The following TTLL9 variants were observed in gnomAD, a reference collection of about 807,000 sequenced individuals.
TTLL9 encodes probable tubulin polyglutamylase TTLL9.
A neutral mutation model predicts 65.6 loss-of-function variants in TTLL9; 47 were observed. The ratio of observed to expected loss-of-function variants is 0.72; its 90% CI spans 0.57 to 0.91. The LOEUF (loss-of-function observed/expected upper bound fraction) is 0.91. TTLL9 is among the 40% of genes least tolerant of loss of function. The probability of loss-of-function intolerance (pLI) is 0.00; values close to 1 mark genes in which losing one functional copy is unlikely to be tolerated. For missense variants in TTLL9, 537 were observed against 568.8 expected, an observed-to-expected ratio of 0.94 and a Z score of 0.57; for synonymous variants, 179 against 204.8, an observed-to-expected ratio of 0.87 and a Z score of 1.07.
At chr20:31,939,404 G>A in intron 14 of TTLL9, 138 bp downstream of exon 14, 2 of 1,016,288 alleles carry the variant, frequency 2.0e-6, no homozygotes, top group Non-Finnish European at 1.4e-6. Context: ...CCTTGGGCAA[G>A]GGACTTAACC....
intron 13 of TTLL9, chr20:31,938,015 C>G: frequency 5.3e-6 from 2 of 374,410 alleles, no homozygotes; most frequent in South Asian, 4.0e-5. Context: ...GTTGGCTGGT[C>G]TATTCTCTCT....
intron 8 of TTLL9, 146 bp downstream of exon 8, chr20:31,923,199 C>T (rs1254925283): frequency 1.5e-6 from 1 of 656,962 alleles, no homozygotes; most frequent in Non-Finnish European, 2.8e-6. Flanking sequence ...TGCAGTCTCC[C>T]ACCTCCTAGC....
At chr20:31,917,459 C>T (rs546390941) in intron 6 of TTLL9, among the ~76,000 whole-genome samples, 1 of 152,168 alleles carries the variant, frequency 6.6e-6, no homozygotes, top group South Asian at 2.1e-4. Context: ...CAGGGTGGAG[C>T]TATTATGATA....
intron 3 of TTLL9, among the ~76,000 whole-genome samples, chr20:31,896,813 AG>A (rs2063394926): frequency 6.6e-6 from 1 of 152,238 alleles, no homozygotes; most frequent in Non-Finnish European, 1.5e-5. Flanking sequence ...TACAGGCGTG[AG>A]ACACCATGCC....
intron 3 of TTLL9, among the ~76,000 whole-genome samples, chr20:31,888,498 T>G (rs536610321): frequency 1.3e-5 from 2 of 151,978 alleles, no homozygotes; most frequent in Non-Finnish European, 2.9e-5. Context: ...TGAGACAGAG[T>G]TTCGCTCTTG....
At chr20:31,895,656 C>G (rs540756135) in intron 3 of TTLL9, among the ~76,000 whole-genome samples, 11 of 150,806 alleles carry the variant, frequency 7.3e-5, no homozygotes, top group Non-Finnish European at 1.2e-4. Flanking sequence ...CCTGCCTCAG[C>G]CTCCCGGGTA....
Position 31,942,977 on chromosome 20 carries a change from C to A in TTLL9, c.1276C>A (p.Gln426Lys). The A allele has an allele frequency of 6.2e-7, 1 of 1,614,140 alleles. No homozygotes were observed. Among genetic ancestry groups the A allele is most frequent in the Non-Finnish European group, 8.5e-7 (1 of 1,180,018 alleles). Residue 426 changes from glutamine (Q) to lysine (K), a missense_variant, in exon 15 of 15, where the codon CAG becomes AAG. Transcript: ENST00000535842. ...CVNDRKKQLR[Q>K]LFCSLQVQKK... ...CAACGATCGGAAGAAACAACTGAGGCAGCTCTTCTGCTCCCTTCAAGTTCA... is the reference window on the plus strand; with the variant it reads ...CAACGATCGGAAGAAACAACTGAGGAAGCTCTTCTGCTCCCTTCAAGTTCA...
chr20:31,931,927 C>CT (rs1259926270), intron 10 of TTLL9, among the ~76,000 whole-genome samples: 2 of 152,158 alleles, frequency 1.3e-5, no homozygotes, highest in Non-Finnish European at 2.9e-5. Context: ...GCCATCTGTG[C>CT]TTTTGGTGTC....
At chr20:31,900,304 C>T (rs1166186814) in intron 4 of TTLL9, among the ~76,000 whole-genome samples, 5 of 152,190 alleles carry the variant, frequency 3.3e-5, no homozygotes. Context: ...TCATCATCCC[C>T]ATTTTACTAA....
At chr20:31,874,555 G>A (rs912526073) in intron 2 of TTLL9, among the ~76,000 whole-genome samples, 1 of 151,990 alleles carries the variant, frequency 6.6e-6, no homozygotes, top group South Asian at 2.1e-4. Context: ...GGGACTACAG[G>A]TGCCCACCCA....
At position 31,943,424 on chromosome 20, in the gene TTLL9, CT is replaced by C. The variant is rs1174804354; in HGVS notation, c.*406del. The C allele has an allele frequency of 6.2e-6, 2 of 324,802 alleles. No homozygotes were observed. The highest frequency in any genetic ancestry group is 1.2e-5 in the Non-Finnish European group (2 of 165,852). 20.1% of individuals were successfully genotyped at this position (324,802 alleles called of 1,614,324 possible). ...GTTGGCTGCAGCCAAGTCCTCCTGGCTTTGACACTTGGATACCTCCCAAGTC... is the reference window on the plus strand; with the variant it reads ...GTTGGCTGCAGCCAAGTCCTCCTGGCTTGACACTTGGATACCTCCCAAGTC... On this transcript the variant is annotated 3_prime_UTR_variant, in exon 15 of 15. Coordinates refer to ENST00000535842, the MANE Select transcript of TTLL9 (RefSeq NM_001008409.5).
At chr20:31,877,549 A>G (rs1342306084) in intron 2 of TTLL9, among the ~76,000 whole-genome samples, 1 of 152,242 alleles carries the variant, frequency 6.6e-6, no homozygotes, top group African/African-American at 2.4e-5. Flanking sequence ...GATAATAAAT[A>G]TAACATGTAT....
At chr20:31,927,611 A>G (rs1051161284) in intron 10 of TTLL9, among the ~76,000 whole-genome samples, 24 of 152,100 alleles carry the variant, frequency 1.6e-4, no homozygotes, top group African/African-American at 3.9e-4. Flanking sequence ...CTTTTGAGCC[A>G]TGTGAATGTA....
chr20:31,920,416 C>G (rs937274079), intron 7 of TTLL9, among the ~76,000 whole-genome samples: 2 of 152,174 alleles, frequency 1.3e-5, no homozygotes. Flanking sequence ...CCAATCCATT[C>G]TTGTCCCAAG....
intron 6 of TTLL9, among the ~76,000 whole-genome samples, chr20:31,917,687 CTTTAA>C (rs1029504032): frequency 1.7e-4 from 26 of 152,314 alleles, no homozygotes; most frequent in African/African-American, 4.8e-4. Flanking sequence ...TATTGTCTGT[CTTTAA>C]TTTAACTATT....
At chr20:31,886,484 C>T (rs1393707286) in intron 2 of TTLL9, among the ~76,000 whole-genome samples, 1 of 151,758 alleles carries the variant, frequency 6.6e-6, no homozygotes, top group Non-Finnish European at 1.5e-5. Context: ...CTAGCCCCTT[C>T]TGGGATCCTC....
At chr20:31,875,572 C>T (rs1028287310) in intron 2 of TTLL9, among the ~76,000 whole-genome samples, 4 of 152,176 alleles carry the variant, frequency 2.6e-5, no homozygotes, top group African/African-American at 9.7e-5. Context: ...TCTTCCCATC[C>T]TCCTTACCAA....
In TTLL9 at chr20:31,924,969, A is replaced by G. The variant is rs776421555; in HGVS notation, c.665-40A>G. 7.0e-5 allele frequency: 112 copies of G among 1,610,876 alleles called. No individual in the cohort carries two copies. The Admixed American group carries it at 1.0e-3, about 15-fold the overall frequency. On this transcript the variant is annotated intron_variant, in intron 8 of 14. Transcript: ENST00000535842. ...AAACCTAGCACAATGTCTGACGATC[A>G]ATATTTGTTGCACAAATTAATTTTT...
intron 6 of TTLL9, among the ~76,000 whole-genome samples, chr20:31,914,848 C>T (rs754335652): frequency 4.6e-5 from 7 of 152,228 alleles, no homozygotes; most frequent in East Asian, 1.9e-4. Context: ...CCTAGCAAGA[C>T]GCCCTGGCAA....
Sources: allele counts gnomAD v4.1 joint callset (sites outside exome capture counted in the v4.1 genomes callset), GRCh38; gene constraint gnomAD v4.1.1; transcripts MANE v1.5; gene names NCBI Gene and HGNC (gene_info 2026-07-23, HGNC 2026-07-21).